Variants in GTPBP10 observed in about 807,000 individuals in gnomAD.
The protein encoded by GTPBP10 is GTP binding protein 10, also known as GTP-binding protein 10.
A neutral mutation model predicts 44.8 loss-of-function variants in GTPBP10; 38 were observed. That is an observed-to-expected ratio of 0.85 (90% confidence interval 0.65 to 1.11). The LOEUF is 1.11. GTPBP10 is among the 50% of genes most tolerant of loss of function. The pLI is 0.00. For missense variants in GTPBP10, 462 were observed against 453.7 expected (o/e 1.02, Z -0.17); for synonymous variants, 152 against 150.6 (o/e 1.01, Z -0.07).
intron 4 of GTPBP10, among the ~76,000 whole-genome samples, chr7:90,364,821 A>G: frequency 6.6e-6 from 1 of 152,168 alleles, no homozygotes; most frequent in East Asian, 1.9e-4. Context: ...AAGCCTCAGC[A>G]ATGGCGGGCA....
chr7:90,371,172 T>G (rs1174066965), intron 4 of GTPBP10: 3 of 965,456 alleles, frequency 3.1e-6, no homozygotes, highest in Non-Finnish European at 3.7e-6. Flanking sequence ...AAAGAAAAAG[T>G]TGTCTATGAA....
chr7:90,370,049 A>G (rs772176230), intron 4 of GTPBP10, among the ~76,000 whole-genome samples: 3 of 152,122 alleles, frequency 2.0e-5, no homozygotes, highest in African/African-American at 4.8e-5. Flanking sequence ...AAAACTACCT[A>G]TTGGGTACAA....
intron 4 of GTPBP10, among the ~76,000 whole-genome samples, chr7:90,361,325 T>C (rs1796016664): frequency 6.6e-6 from 1 of 152,166 alleles, no homozygotes; most frequent in Non-Finnish European, 1.5e-5. Flanking sequence ...GCTGAATTTA[T>C]TGAGTTTTTA....
chr7:90,379,624 G>A (rs1182810777), intron 8 of GTPBP10, among the ~76,000 whole-genome samples: 1 of 152,152 alleles, frequency 6.6e-6, no homozygotes, highest in African/African-American at 2.4e-5. Context: ...ATACTGCTGT[G>A]AACATTTGTA....
intron 1 of GTPBP10, among the ~76,000 whole-genome samples, chr7:90,347,069 TGTG>T (rs1481749731): frequency 3.9e-5 from 6 of 152,154 alleles, no homozygotes; most frequent in African/African-American, 1.2e-4. Context: ...GCCCAAATGT[TGTG>T]GTGGTTTTTT....
At chr7:90,380,934 A>C (rs1205204649) in intron 8 of GTPBP10, among the ~76,000 whole-genome samples, 1 of 152,010 alleles carries the variant, frequency 6.6e-6, no homozygotes, top group African/African-American at 2.4e-5. Flanking sequence ...AGTGTTCTCC[A>C]GGTTCATCCA....
chr7:90,380,133 C>T (rs1043055464), intron 8 of GTPBP10, among the ~76,000 whole-genome samples: 4 of 133,934 alleles, frequency 3.0e-5, no homozygotes, highest in East Asian at 2.2e-4. Context: ...GGCTGGAGTG[C>T]GGTGGCACAG....
intron 4 of GTPBP10, among the ~76,000 whole-genome samples, chr7:90,359,307 C>G (rs1313081023): frequency 6.6e-6 from 1 of 152,082 alleles, no homozygotes; most frequent in Non-Finnish European, 1.5e-5. Context: ...ACCCCCACCC[C>G]CTGACAGGCC....
intron 4 of GTPBP10, among the ~76,000 whole-genome samples, chr7:90,356,809 A>T (rs1271740268): frequency 6.6e-6 from 1 of 152,186 alleles, no homozygotes; most frequent in Admixed American, 6.5e-5. Flanking sequence ...CGTTCAATGA[A>T]TTGTAGCTGC....
At chr7:90,351,026 G>A (rs1795780357) in intron 1 of GTPBP10, among the ~76,000 whole-genome samples, 1 of 152,140 alleles carries the variant, frequency 6.6e-6, no homozygotes, top group African/African-American at 2.4e-5. Context: ...AAAATGTACT[G>A]GCAAGATGAA....
At chr7:90,348,360 C>A (rs1433727458) in intron 1 of GTPBP10, among the ~76,000 whole-genome samples, 3 of 152,192 alleles carry the variant, frequency 2.0e-5, no homozygotes, top group African/African-American at 7.2e-5. Flanking sequence ...CACAAAACAA[C>A]TACTAATAAT....
At chr7:90,356,821 A>G (rs17866941) in intron 4 of GTPBP10, among the ~76,000 whole-genome samples, 161 of 152,328 alleles carry the variant, frequency 1.1e-3, no homozygotes, top group African/African-American at 3.8e-3. Flanking sequence ...TGTAGCTGCT[A>G]TCTTCATCAT....
intron 9 of GTPBP10, 46 bp from the exon 10 acceptor site, chr7:90,384,846 T>C (rs1269672656): frequency 1.9e-6 from 3 of 1,541,442 alleles, no homozygotes; most frequent in Non-Finnish European, 2.6e-6. Flanking sequence ...TTTAACTAAC[T>C]TTCGAAAACA....
intron 4 of GTPBP10, among the ~76,000 whole-genome samples, chr7:90,370,610 T>C (rs1324991527): frequency 2.0e-5 from 3 of 152,104 alleles, no homozygotes; most frequent in South Asian, 2.1e-4. Context: ...ACTTGGGTGA[T>C]GGGTACACTA....
chr7:90,346,764 T>G lies in GTPBP10; in HGVS notation c.23T>G (p.Leu8Trp), dbSNP rs201599944. The G allele has an allele frequency of 6.2e-7, 1 of 1,614,220 alleles. No individual in the cohort carries two copies. The highest frequency in any genetic ancestry group is 1.1e-5 in the South Asian group (1 of 91,080). Residue 8 changes from leucine to tryptophan, a missense_variant, in exon 1 of 10, where the codon TTG (leucine) becomes TGG (tryptophan). Physicochemically the swap from Leu to Trp is moderately conservative, Grantham distance 61 (BLOSUM62 -2). Transcript: ENST00000222511. Reference sequence around the variant, plus strand: ...GCCATGGTGCATTGCAGTTGCGTGTTGTTCAGAAAGGTCCGTGCGGGTCCC... The same window carrying G: ...GCCATGGTGCATTGCAGTTGCGTGTGGTTCAGAAAGGTCCGTGCGGGTCCC... Reference protein sequence around the residue: MVHCSCVLFRKYGNFIDK... With the variant: MVHCSCVWFRKYGNFIDK...
At chr7:90,366,334 A>G (rs1796133812) in intron 4 of GTPBP10, among the ~76,000 whole-genome samples, 1 of 152,106 alleles carries the variant, frequency 6.6e-6, no homozygotes, top group Non-Finnish European at 1.5e-5. Flanking sequence ...ATTGAATGGA[A>G]TTGTTTCAGA....
chr7:90,358,866 A>G (rs1023276657), intron 4 of GTPBP10, among the ~76,000 whole-genome samples: 21 of 152,236 alleles, frequency 1.4e-4, no homozygotes, highest in Non-Finnish European at 2.9e-4. Context: ...CAGAGGACTA[A>G]TATACTGAGT....
chr7:90,350,513 C>T (rs1395991740), intron 1 of GTPBP10, among the ~76,000 whole-genome samples: 1 of 152,124 alleles, frequency 6.6e-6, no homozygotes, highest in Non-Finnish European at 1.5e-5. Context: ...CTAAAATTAT[C>T]AAATCATCCT....
intron 6 of GTPBP10, among the ~76,000 whole-genome samples, chr7:90,376,386 T>C (rs1268372452): frequency 6.6e-6 from 1 of 152,042 alleles, no homozygotes; most frequent in Non-Finnish European, 1.5e-5. Flanking sequence ...TAGGAGAAAG[T>C]AGGAGAGCCA....
Sources: gnomAD v4.1 joint callset for allele counts (sites outside exome capture counted in the v4.1 genomes callset) on GRCh38, gnomAD v4.1.1 for gene constraint, MANE v1.5 for transcripts, NCBI Gene and HGNC (gene_info 2026-07-23, HGNC 2026-07-21) for gene names.